The following CLCA2 variants were observed in gnomAD, a reference collection of about 807,000 sequenced individuals.
CLCA2 encodes the protein chloride channel accessory 2, also known as calcium-activated chloride channel regulator 2.
CLCA2 carries 85 observed loss-of-function variants against 82.9 expected under a neutral mutation model. That is an observed-to-expected ratio of 1.03 (90% CI 0.86 to 1.23). CLCA2 has a LOEUF of 1.23. Among genes scored for constraint, CLCA2 ranks in the 50% most tolerant of loss-of-function variants. The probability of loss-of-function intolerance (pLI) is 0.00; values close to 1 mark genes in which losing one functional copy is unlikely to be tolerated. For synonymous variants in CLCA2, 421 were observed against 391.7 expected, an observed-to-expected ratio of 1.07 and a Z score of -0.88; for missense variants, 1,089 against 1,124.8, an observed-to-expected ratio of 0.97 and a Z score of 0.45.
chr1:86,443,742 T>C (rs761057591), intron 9 of CLCA2, 45 bp from the exon 10 acceptor site: 3 of 1,369,008 alleles, frequency 2.2e-6, no homozygotes, highest in Non-Finnish European at 2.0e-6. Flanking sequence ...GATGGAATGA[T>C]TATGCATACA....
chr1:86,424,484 T>C (rs543713190), intron 1 of CLCA2, 51 bp downstream of exon 1: 7 of 1,474,892 alleles, frequency 4.7e-6, no homozygotes, highest in Non-Finnish European at 6.4e-6. Context: ...ATCAGACCTG[T>C]AGCCTTATTT....
intron 10 of CLCA2, chr1:86,445,356 CTTTTTTTTTTTTTTT>C (rs1190239314): frequency 1.1e-5 from 1 of 88,946 alleles, no homozygotes; most frequent in Non-Finnish European, 2.1e-5. Context: ...AAGTGTTAAC[CTTTTTTTTTTTTTTT>C]TTTTTTTTTT....
chr1:86,444,109 G>A (rs1030101872), intron 10 of CLCA2, 98 bp downstream of exon 10: 14 of 787,270 alleles, frequency 1.8e-5, no homozygotes, highest in Non-Finnish European at 2.7e-5. Flanking sequence ...AGAAAATCTT[G>A]TTTTAATATA....
Position 86,434,501 on chromosome 1 carries a change from A to G in CLCA2, c.745-17A>G, listed in dbSNP as rs1179890293. On this transcript the variant is annotated splice_polypyrimidine_tract_variant and intron_variant, in intron 5 of 13. Transcript: ENST00000370565. ...GGAGAAGTGCCTCTCTTTATTAAAG[A>G]CTGTTTTTATTTCCAGGTGGTTGAA... The G allele has an allele frequency of 6.2e-7, 1 of 1,604,560 alleles. No homozygotes were observed.
rs757895186 is a variant in CLCA2 at position 86,440,258 on chromosome 1, A to G, written c.1314A>G (p.Ser438=). ...NCLPTVLSSG[S]TIHSIALGSS... ...TACCCACTGTGCTCAGCAGTGGTTCAACAATTCACTCCATTGCCCTGGGTT... is the reference window on the plus strand; with the variant it reads ...TACCCACTGTGCTCAGCAGTGGTTCGACAATTCACTCCATTGCCCTGGGTT... Residue 438 remains serine (S), a synonymous_variant, in exon 8 of 14, where the codon TCA becomes TCG. Coordinates refer to ENST00000370565, the MANE Select transcript of CLCA2 (RefSeq NM_006536.7). 3 of 1,614,120 alleles carry G rather than the reference A, an allele frequency of 1.9e-6. No homozygotes were observed. Among genetic ancestry groups the G allele is most frequent in the Non-Finnish European group, 2.5e-6 (3 of 1,179,998 alleles).
At chr1:86,439,613 G>A (rs1270866879) in intron 7 of CLCA2, among the ~76,000 whole-genome samples, 1 of 152,186 alleles carries the variant, frequency 6.6e-6, no homozygotes, top group African/African-American at 2.4e-5. Context: ...CATCTGGGAT[G>A]CTTATCTGAT....
In CLCA2 at chr1:86,428,369, A is replaced by G. The variant is rs762283146; in HGVS notation, c.325-49A>G. On this transcript the variant is annotated intron_variant, in intron 2 of 13. Coordinates refer to ENST00000370565, the MANE Select transcript of CLCA2 (RefSeq NM_006536.7). ...TTTAATGAATGTATACATTTATGTCACCAACAACAGAGCTGAGAAAGTATT... is the reference window on the plus strand; with the variant it reads ...TTTAATGAATGTATACATTTATGTCGCCAACAACAGAGCTGAGAAAGTATT... The G allele has an allele frequency of 3.9e-6, 6 of 1,528,628 alleles. No homozygotes were observed. In the South Asian group the frequency reaches 7.9e-5, roughly 20 times the overall value. The allele number at this position is 1,528,628 out of a possible 1,614,324, so 94.7% of individuals were successfully genotyped here.
intron 2 of CLCA2, among the ~76,000 whole-genome samples, chr1:86,427,230 C>T (rs1662404926): frequency 6.6e-6 from 1 of 151,868 alleles, no homozygotes; most frequent in Non-Finnish European, 1.5e-5. Context: ...CCCAAACAGC[C>T]TCTGAGTATT....
Position 86,440,290 on chromosome 1 carries a change from CAGCCCCAA to C in CLCA2, c.1348_1355del (p.Ala450SerfsTer23), listed in dbSNP as rs745342946. ...CACTCCATTGCCCTGGGTTCATCTG[CAGCCCCAA>C]ATCTGGAGGAATTATCACGTCTTAC... is the stretch of plus-strand genomic sequence containing the variant. On this transcript the variant is annotated frameshift_variant, in exon 8 of 14. Coordinates refer to ENST00000370565, the MANE Select transcript of CLCA2 (RefSeq NM_006536.7). LOFTEE classifies it high-confidence loss of function. The C allele has an allele frequency of 1.2e-6, 2 of 1,614,030 alleles. No individual in the cohort carries two copies. Among genetic ancestry groups the C allele is most frequent in the South Asian group, 2.2e-5 (2 of 91,030 alleles).
Position 86,425,343 on chromosome 1 carries a change from T to A in CLCA2, c.191T>A (p.Met64Lys). The A allele has an allele frequency of 6.4e-6, 10 of 1,553,724 alleles. No homozygotes were observed. Among genetic ancestry groups the A allele is most frequent in the Non-Finnish European group, 8.7e-6 (10 of 1,153,150 alleles). The change falls in exon 2 of 14, where the codon ATG becomes AAG. Residue 64 changes from methionine to lysine, a missense_variant. By Grantham distance (95) the Met-to-Lys change is moderately conservative. Transcript: ENST00000370565. ...NQNLISNIKE[M>K]ITEASFYLFN... ...TTTTCTTTTGTCTGGCTGTAGGAAA[T>A]GATAACTGAAGCTTCATTTTACCTA...
intron 3 of CLCA2, among the ~76,000 whole-genome samples, 169 bp from the exon 4 acceptor site, chr1:86,430,693 G>A (rs1662478674): frequency 6.6e-6 from 1 of 152,170 alleles, no homozygotes; most frequent in Non-Finnish European, 1.5e-5. Flanking sequence ...GGAGTAGGAG[G>A]AGATGGGAAT....
Position 86,455,297 on chromosome 1 carries a change from G to C in CLCA2, c.2602G>C (p.Ala868Pro). 6.2e-7 allele frequency: 1 copy of C among 1,614,072 alleles called. No individual in the cohort carries two copies. The highest frequency in any genetic ancestry group is 8.5e-7 in the Non-Finnish European group (1 of 1,179,992). Reference sequence around the variant, plus strand: ...CCACAGAATTTATGTTGCAATACGAGCAATGGATAGGAACTCCTTACAGTC... The same window carrying C: ...CCACAGAATTTATGTTGCAATACGACCAATGGATAGGAACTCCTTACAGTC... ...ESHRIYVAIR[A>P]MDRNSLQSAV... The change falls in exon 14 of 14, where the codon GCA (alanine) becomes CCA (proline). Residue 868 changes from alanine to proline, a missense_variant. Physicochemically the swap from Ala to Pro is conservative, Grantham distance 27 (BLOSUM62 -1). Transcript: ENST00000370565.
rs752250550 is a variant in CLCA2 at position 86,440,141 on chromosome 1, T to C, written c.1204-7T>C. ...TTCCTTCCAAGTGACTAATTCTCTATGTTCAGGTGGTTGAAAAACTGAATG... is the reference window on the plus strand; with the variant it reads ...TTCCTTCCAAGTGACTAATTCTCTACGTTCAGGTGGTTGAAAAACTGAATG... On this transcript the variant is annotated splice_polypyrimidine_tract_variant and splice_region_variant and intron_variant, in intron 7 of 13. Coordinates refer to ENST00000370565, the MANE Select transcript of CLCA2 (RefSeq NM_006536.7). 9 of 1,612,528 alleles carry C rather than the reference T, an allele frequency of 5.6e-6. No homozygotes were observed. The highest frequency in any genetic ancestry group is 7.6e-6 in the Non-Finnish European group (9 of 1,179,402).
chr1:86,424,400 A>T lies in CLCA2; in HGVS notation c.153A>T (p.Val51=). 1 of 1,611,188 alleles carries T rather than the reference A, an allele frequency of 6.2e-7. No homozygotes were observed. Among genetic ancestry groups the T allele is most frequent in the Non-Finnish European group, 8.5e-7 (1 of 1,179,098 alleles). Residue 51 remains valine (V), a synonymous_variant, in exon 1 of 14, where the codon GTA becomes GTT. Coordinates refer to ENST00000370565, the MANE Select transcript of CLCA2 (RefSeq NM_006536.7). ...NGLLIAINPQ[V]PENQNLISNI... is the part of the protein sequence containing the mutation. The stretch of plus-strand genomic sequence containing the variant: ...TGCTCATTGCAATTAATCCTCAGGT[A>T]CCTGAGAATCAGAACCTCATCTCAA...
chr1:86,452,167 AC>A, intron 12 of CLCA2, among the ~76,000 whole-genome samples: 1 of 131,688 alleles, frequency 7.6e-6, no homozygotes, highest in East Asian at 2.2e-4. Context: ...CATTTTAGAA[AC>A]CTGGAAGCTT....
chr1:86,452,071 G>A (rs1299577115), intron 12 of CLCA2, among the ~76,000 whole-genome samples: 2 of 148,588 alleles, frequency 1.3e-5, no homozygotes, highest in Non-Finnish European at 1.5e-5. Flanking sequence ...TTAACATCTT[G>A]AATTAGATGT....
intron 6 of CLCA2, among the ~76,000 whole-genome samples, chr1:86,437,959 A>C (rs1662648572): frequency 6.6e-6 from 1 of 152,204 alleles, no homozygotes; most frequent in Non-Finnish European, 1.5e-5. Flanking sequence ...CAGAGTTCTA[A>C]GTCCTTGTTT....
chr1:86,439,792 T>C (rs562346502), intron 7 of CLCA2, among the ~76,000 whole-genome samples: 2 of 152,222 alleles, frequency 1.3e-5, no homozygotes, highest in African/African-American at 4.8e-5. Flanking sequence ...TGTTTAAGTC[T>C]CCACATTTGA....
At chr1:86,441,329 CA>C in intron 8 of CLCA2, 107 bp from the exon 9 acceptor site, 1 of 667,422 alleles carries the variant, frequency 1.5e-6, no homozygotes, top group Non-Finnish European at 2.5e-6. Context: ...CCCATTTCCC[CA>C]AAACAAACAC....
Sources: gnomAD v4.1 joint callset for allele counts (sites outside exome capture counted in the v4.1 genomes callset) on GRCh38, gnomAD v4.1.1 for gene constraint, MANE v1.5 for transcripts, NCBI Gene and HGNC (gene_info 2026-07-23, HGNC 2026-07-21) for gene names.